The following THSD7B variants were observed in gnomAD, a reference collection of about 807,000 sequenced individuals.
THSD7B encodes thrombospondin type-1 domain-containing protein 7B.
A neutral mutation model predicts 213.6 loss-of-function variants in THSD7B; 138 were observed. The ratio of observed to expected loss-of-function variants is 0.65; its 90% CI spans 0.56 to 0.74. THSD7B has a LOEUF of 0.74. Among genes scored for constraint, THSD7B ranks in the 30% least tolerant of loss-of-function variants. The pLI is 0.00. For synonymous variants in THSD7B, 742 were observed against 687.0 expected (o/e 1.08, Z -1.25); for missense variants, 1,931 against 1,991.5 (o/e 0.97, Z 0.58).
intron 12 of THSD7B, among the ~76,000 whole-genome samples, chr2:137,322,091 G>GT (rs145387944): frequency 1.0e-3 from 158 of 152,342 alleles, no homozygotes; most frequent in African/African-American, 3.4e-3. Context: ...AGGTTGTCAA[G>GT]TGTTAATACC....
At chr2:137,165,566 G>T (rs532978954) in intron 6 of THSD7B, among the ~76,000 whole-genome samples, 1 of 152,094 alleles carries the variant, frequency 6.6e-6, no homozygotes, top group South Asian at 2.1e-4. Flanking sequence ...ATCACTGAGT[G>T]GTACAAACTA....
intron 2 of THSD7B, among the ~76,000 whole-genome samples, chr2:137,051,685 G>T (rs1357354751): frequency 6.6e-6 from 1 of 152,124 alleles, no homozygotes; most frequent in Non-Finnish European, 1.5e-5. Context: ...GCAATGTCAG[G>T]ATAATAAAAG....
At position 137,562,594 on chromosome 2, in the gene THSD7B, T is replaced by TTGTGTGTGTGTGTG. The variant is rs72488766; in HGVS notation, c.3139-603_3139-590dup. Among the ~76,000 whole-genome samples, 80 of 145,078 alleles carry TTGTGTGTGTGTGTG rather than the reference T, an allele frequency of 5.5e-4. 1 individual carries two copies. Among genetic ancestry groups the TTGTGTGTGTGTGTG allele is most frequent in the African/African-American group, 5.4e-4 (21 of 39,180 alleles). Reference sequence around the variant, plus strand: ...AGTAACAGTTTAGCAGTATTTCTCTTTGTGTGTGTGTGTGTGTGTGTGTGT... The same window carrying TTGTGTGTGTGTGTG: ...AGTAACAGTTTAGCAGTATTTCTCTTTGTGTGTGTGTGTGTGTGTGTGTGTGTGTGTGTGTGTGT... On this transcript the variant is annotated intron_variant, in intron 15 of 27. Transcript: ENST00000409968.
chr2:137,065,605 T>A (rs1246485500), intron 3 of THSD7B, among the ~76,000 whole-genome samples: 1 of 152,108 alleles, frequency 6.6e-6, no homozygotes, highest in Non-Finnish European at 1.5e-5. Flanking sequence ...AGTTTTCATT[T>A]CACTTATTTA....
At chr2:136,821,314 A>G (rs905378538) in intron 1 of THSD7B, among the ~76,000 whole-genome samples, 1 of 152,196 alleles carries the variant, frequency 6.6e-6, no homozygotes, top group African/African-American at 2.4e-5. Flanking sequence ...GTGGCTTCTC[A>G]GTCCCTCCTG....
chr2:137,221,034 CT>C (rs1370598780), intron 7 of THSD7B, among the ~76,000 whole-genome samples: 4 of 152,152 alleles, frequency 2.6e-5, no homozygotes, highest in African/African-American at 9.7e-5. Context: ...TTAGAACTGG[CT>C]CACGCCTGTA....
chr2:137,522,429 C>G (rs953247854), intron 15 of THSD7B, among the ~76,000 whole-genome samples: 1 of 152,162 alleles, frequency 6.6e-6, no homozygotes, highest in South Asian at 2.1e-4. Flanking sequence ...GCATGCATGT[C>G]TTTCTTCCCT....
At chr2:137,587,325 T>A (rs1403788660) in intron 17 of THSD7B, among the ~76,000 whole-genome samples, 2 of 152,228 alleles carry the variant, frequency 1.3e-5, no homozygotes, top group Non-Finnish European at 2.9e-5. Context: ...TGAAGCCTTC[T>A]TCTGTCAACT....
chr2:136,890,413 TTC>T (rs1558840063), intron 2 of THSD7B, among the ~76,000 whole-genome samples: 72 of 1,860 alleles, frequency 0.039, 18 homozygotes, highest in Non-Finnish European at 0.046. Flanking sequence ...CTTCCTCTTC[TTC>T]TTCTTCTTCT....
At chr2:136,848,291 A>G (rs539126604) in intron 1 of THSD7B, among the ~76,000 whole-genome samples, 2 of 152,276 alleles carry the variant, frequency 1.3e-5, no homozygotes, top group South Asian at 4.1e-4. Context: ...ATGCATCAGA[A>G]TCACCTGGAA....
At chr2:137,621,091 G>A (rs1191084998) in intron 20 of THSD7B, among the ~76,000 whole-genome samples, 5 of 152,214 alleles carry the variant, frequency 3.3e-5, no homozygotes, top group South Asian at 2.1e-4. Flanking sequence ...ACCCTAGGCT[G>A]AGCATAATAG....
At chr2:137,558,819 C>T (rs1681041946) in intron 15 of THSD7B, among the ~76,000 whole-genome samples, 2 of 152,158 alleles carry the variant, frequency 1.3e-5, no homozygotes, top group African/African-American at 4.8e-5. Flanking sequence ...AAAATCCCAT[C>T]ATCTCAGCCC....
intron 1 of THSD7B, among the ~76,000 whole-genome samples, chr2:136,817,702 A>G (rs1030769599): frequency 1.3e-5 from 2 of 152,120 alleles, no homozygotes; most frequent in African/African-American, 4.8e-5. Context: ...ATTTACAAGA[A>G]AAAAACAAAC....
chr2:137,582,403 A>C (rs1681600790), intron 17 of THSD7B, among the ~76,000 whole-genome samples: 1 of 152,124 alleles, frequency 6.6e-6, no homozygotes, highest in African/African-American at 2.4e-5. Context: ...GGTTTGTTAC[A>C]TATGTATCCA....
chr2:137,180,426 A>C (rs998464151), intron 7 of THSD7B, among the ~76,000 whole-genome samples: 3 of 152,062 alleles, frequency 2.0e-5, no homozygotes, highest in African/African-American at 7.2e-5. Flanking sequence ...ATTATATTAA[A>C]ATTATGTTTA....
chr2:137,301,344 T>A (rs1683596225), intron 12 of THSD7B, among the ~76,000 whole-genome samples: 1 of 152,150 alleles, frequency 6.6e-6, no homozygotes, highest in Admixed American at 6.5e-5. Context: ...TAACAAATGT[T>A]AATGATCACC....
chr2:137,009,064 G>T (rs1686174895), intron 2 of THSD7B, among the ~76,000 whole-genome samples: 1 of 152,178 alleles, frequency 6.6e-6, no homozygotes, highest in Admixed American at 6.5e-5. Flanking sequence ...AACTCTTTGA[G>T]GCTATGTGAT....
chr2:137,642,411 T>C, intron 20 of THSD7B, 77 bp from the exon 21 acceptor site: 1 of 1,545,616 alleles, frequency 6.5e-7, no homozygotes, highest in Non-Finnish European at 8.8e-7. Flanking sequence ...CTTACATGTA[T>C]AAGGCAACAT....
chr2:137,013,781 C>T (rs895124477), intron 2 of THSD7B, among the ~76,000 whole-genome samples: 1 of 152,084 alleles, frequency 6.6e-6, no homozygotes, highest in African/African-American at 2.4e-5. Context: ...GTGTGACCTG[C>T]CTCCTCTGGG....
Sources: gnomAD v4.1 joint callset for allele counts (sites outside exome capture counted in the v4.1 genomes callset) on GRCh38, gnomAD v4.1.1 for gene constraint, MANE v1.5 for transcripts, NCBI Gene and HGNC (gene_info 2026-07-23, HGNC 2026-07-21) for gene names.